Variants in LRP1B observed in about 807,000 individuals in gnomAD.
The protein encoded by LRP1B is LDL receptor related protein 1B.
In LRP1B, 217 loss-of-function variants were observed where a neutral mutation model predicts 556.6. That is an observed-to-expected ratio of 0.39 (90% CI 0.35 to 0.44). The LOEUF (loss-of-function observed/expected upper bound fraction) is 0.44, where lower values mean the gene tolerates loss of function less well. LRP1B is among the 20% of genes least tolerant of loss of function. The pLI, the probability that LRP1B is intolerant of heterozygous loss-of-function variation, is 1.00. For missense variants in LRP1B, 5,053 were observed against 5,620.8 expected (o/e 0.90, Z 3.23); for synonymous variants, 2,047 against 1,865.8 (o/e 1.10, Z -2.50).
At chr2:141,963,769 A>C (rs923213126) in intron 1 of LRP1B, among the ~76,000 whole-genome samples, 13 of 147,126 alleles carry the variant, frequency 8.8e-5, no homozygotes, top group African/African-American at 3.0e-4. Flanking sequence ...GAAGGAAATA[A>C]AGGGTATTCA....
intron 7 of LRP1B, among the ~76,000 whole-genome samples, chr2:141,101,263 G>A (rs901714155): frequency 3.9e-5 from 6 of 152,256 alleles, no homozygotes; most frequent in African/African-American, 1.2e-4. Flanking sequence ...AGCTCTGTAA[G>A]AACCATGCTT....
chr2:140,485,854 C>CACACAA (rs1688448963), intron 58 of LRP1B, among the ~76,000 whole-genome samples: 1 of 138,496 alleles, frequency 7.2e-6, no homozygotes, highest in Admixed American at 7.0e-5. Context: ...CATACACACA[C>CACACAA]ACACACACAC....
intron 2 of LRP1B, among the ~76,000 whole-genome samples, chr2:141,555,969 T>G (rs533667026): frequency 6.6e-6 from 1 of 151,908 alleles, no homozygotes; most frequent in Non-Finnish European, 1.5e-5. Flanking sequence ...TTGTTTAAAG[T>G]GAAGACTTTC....
chr2:141,312,417 C>T (rs542431639), intron 3 of LRP1B, among the ~76,000 whole-genome samples: 196 of 152,150 alleles, frequency 1.3e-3, no homozygotes, highest in African/African-American at 4.2e-3. Flanking sequence ...ATATAACATA[C>T]GAAATATGTG....
chr2:142,036,926 C>G (rs1331378712), intron 1 of LRP1B, among the ~76,000 whole-genome samples: 3 of 151,650 alleles, frequency 2.0e-5, no homozygotes, highest in Non-Finnish European at 4.4e-5. Context: ...GGGCACTATA[C>G]AACTCCACAG....
intron 18 of LRP1B, among the ~76,000 whole-genome samples, chr2:140,961,787 A>C (rs1696043584): frequency 6.6e-6 from 1 of 152,126 alleles, no homozygotes; most frequent in Non-Finnish European, 1.5e-5. Flanking sequence ...AAAACTTTAA[A>C]ACTTATAACT....
intron 60 of LRP1B, among the ~76,000 whole-genome samples, chr2:140,459,867 C>G (rs576042860): frequency 6.6e-6 from 1 of 152,108 alleles, no homozygotes; most frequent in East Asian, 1.9e-4. Context: ...GCACTTCCCC[C>G]CTACACTCCC....
chr2:141,578,416 AAAAG>A (rs1686838795), intron 2 of LRP1B, among the ~76,000 whole-genome samples: 1 of 151,802 alleles, frequency 6.6e-6, no homozygotes, highest in Admixed American at 6.6e-5. Context: ...AAAAAAGAAA[AAAAG>A]AAAAAAAAAA....
At chr2:140,593,802 A>G (rs1682322493) in intron 43 of LRP1B, among the ~76,000 whole-genome samples, 2 of 152,126 alleles carry the variant, frequency 1.3e-5, no homozygotes, top group East Asian at 1.9e-4. Flanking sequence ...ATAAAAATGT[A>G]TTTAAAAAAC....
At chr2:141,730,489 C>T (rs775609809) in intron 2 of LRP1B, among the ~76,000 whole-genome samples, 1 of 152,140 alleles carries the variant, frequency 6.6e-6, no homozygotes, top group Admixed American at 6.6e-5. Flanking sequence ...TGCCATGATA[C>T]GTGCTTACTT....
intron 37 of LRP1B, among the ~76,000 whole-genome samples, chr2:140,715,093 A>G (rs1201886760): frequency 1.3e-5 from 2 of 152,128 alleles, no homozygotes; most frequent in Non-Finnish European, 2.9e-5. Context: ...AATTAAGAGA[A>G]GACCAACAGA....
chr2:141,633,862 G>C (rs1280909140), intron 2 of LRP1B, among the ~76,000 whole-genome samples: 2 of 152,002 alleles, frequency 1.3e-5, no homozygotes, highest in Non-Finnish European at 2.9e-5. Context: ...AACCACATGT[G>C]CTAATGTTCT....
chr2:141,822,226 C>T (rs1696778759), intron 1 of LRP1B, among the ~76,000 whole-genome samples: 1 of 151,896 alleles, frequency 6.6e-6, no homozygotes, highest in African/African-American at 2.4e-5. Flanking sequence ...ATAAAGCTGA[C>T]ACATTCAACA....
chr2:141,249,921 A>C (rs1684200165), intron 4 of LRP1B, among the ~76,000 whole-genome samples: 1 of 152,164 alleles, frequency 6.6e-6, no homozygotes, highest in South Asian at 2.1e-4. Flanking sequence ...AAAATACACA[A>C]ACTTAGACCT....
chr2:141,364,456 G>A (rs1400967888), intron 3 of LRP1B, among the ~76,000 whole-genome samples: 1 of 151,808 alleles, frequency 6.6e-6, no homozygotes, highest in Non-Finnish European at 1.5e-5. Flanking sequence ...ACATCTCATT[G>A]TACCCCATAA....
chr2:141,039,415 G>A (rs188428504), intron 11 of LRP1B, among the ~76,000 whole-genome samples: 95 of 152,094 alleles, frequency 6.2e-4, no homozygotes, highest in African/African-American at 2.1e-3. Flanking sequence ...AAAACATGGT[G>A]TATATATAGA....
intron 1 of LRP1B, among the ~76,000 whole-genome samples, chr2:141,953,960 A>G (rs1054145706): frequency 6.6e-6 from 1 of 152,114 alleles, no homozygotes; most frequent in Non-Finnish European, 1.5e-5. Flanking sequence ...TAACTTGTCA[A>G]TTAAAATTCC....
At chr2:141,807,957 C>T (rs570914793) in intron 2 of LRP1B, among the ~76,000 whole-genome samples, 1 of 152,158 alleles carries the variant, frequency 6.6e-6, no homozygotes, top group East Asian at 1.9e-4. Flanking sequence ...TTTGTCATCA[C>T]CTACTTCGAC....
chr2:141,303,138 T>A (rs1686458651), intron 3 of LRP1B, among the ~76,000 whole-genome samples: 1 of 152,094 alleles, frequency 6.6e-6, no homozygotes, highest in African/African-American at 2.4e-5. Context: ...GATTTATATA[T>A]GTATATTTAA....
Sources: allele counts gnomAD v4.1 joint callset (sites outside exome capture counted in the v4.1 genomes callset), GRCh38; gene constraint gnomAD v4.1.1; transcripts MANE v1.5; gene names NCBI Gene and HGNC (gene_info 2026-07-23, HGNC 2026-07-21).